SLIT1: variants seen among roughly 807,000 people sequenced by gnomAD.
The protein encoded by SLIT1 is slit guidance ligand 1.
Under a neutral mutation model 186.1 loss-of-function variants are expected in SLIT1, and 66 were observed. That is an observed-to-expected ratio of 0.35 (90% CI 0.29 to 0.44). The LOEUF (loss-of-function observed/expected upper bound fraction) is 0.44, where lower values mean the gene tolerates loss of function less well. Ranked by LOEUF, SLIT1 falls within the 20% of genes least tolerant of loss-of-function variation. SLIT1 has a pLI of 1.00. For missense variants in SLIT1, 1,638 were observed against 2,037.4 expected, an observed-to-expected ratio of 0.80 and a Z score of 3.77; for synonymous variants, 761 against 833.8, an observed-to-expected ratio of 0.91 and a Z score of 1.50.
chr10:97,111,722 T>C (rs1055020015), intron 4 of SLIT1, among the ~76,000 whole-genome samples: 2 of 152,238 alleles, frequency 1.3e-5, no homozygotes, highest in Admixed American at 1.3e-4. Flanking sequence ...CTTTTGCTGC[T>C]GGAGCCTGCT....
At position 97,049,000 on chromosome 10, in the gene SLIT1, T is replaced by A. The variant is rs748204837; in HGVS notation, c.1420A>T (p.Asn474Tyr). 3 of 1,612,422 alleles carry A rather than the reference T, an allele frequency of 1.9e-6. No individual in the cohort carries two copies. The highest frequency in any genetic ancestry group is 2.5e-6 in the Non-Finnish European group (3 of 1,180,014). The stretch of plus-strand genomic sequence containing the variant: ...CTCTTGATCTGCCCGATGCGCTTGT[T>A]GGCGAGGCGCCGGGGACTGGCACAG... ...ARCASPRRLA[N>Y]KRIGQIKSKK... The change falls in exon 14 of 37, where the codon AAC (asparagine) becomes TAC (tyrosine). Residue 474 changes from asparagine to tyrosine, a missense_variant. Physicochemically the swap from Asn to Tyr is moderately radical, Grantham distance 143. Coordinates refer to ENST00000266058, the MANE Select transcript of SLIT1 (RefSeq NM_003061.3).
intron 4 of SLIT1, among the ~76,000 whole-genome samples, chr10:97,131,638 C>A (rs1323639775): frequency 2.0e-5 from 3 of 152,232 alleles, no homozygotes; most frequent in Non-Finnish European, 2.9e-5. Context: ...AGGCAGAGGA[C>A]CGGAGCCCAG....
intron 4 of SLIT1, among the ~76,000 whole-genome samples, chr10:97,097,495 A>G (rs913225847): frequency 4.6e-5 from 7 of 152,226 alleles, no homozygotes; most frequent in Admixed American, 2.0e-4. Flanking sequence ...AGAGGTGAGA[A>G]CGATGCTTCT....
In SLIT1 at chr10:97,030,626, G is replaced by C. The variant is rs892236312; in HGVS notation, c.2582+131C>G. On this transcript the variant is annotated intron_variant, in intron 25 of 36. Transcript: ENST00000266058. The stretch of plus-strand genomic sequence containing the variant: ...CATATAAGAGTCCCAGAAGGTGCAC[G>C]TGGGAAGTTCCCAAGCTTAATTTCA... 1.1e-5 allele frequency: 8 copies of C among 725,194 alleles called. No homozygotes were observed. The East Asian group carries it at 2.1e-4, about 19-fold the overall frequency. The allele number at this position is 725,194 out of a possible 1,614,324, so 44.9% of individuals were successfully genotyped here. A position where few individuals can be genotyped will look rare whatever the true frequency, so the allele number is the denominator to read the frequency against.
chr10:97,109,901 G>A (rs904938882), intron 4 of SLIT1, among the ~76,000 whole-genome samples: 2 of 152,082 alleles, frequency 1.3e-5, no homozygotes, highest in African/African-American at 4.8e-5. Context: ...CCATTAAATG[G>A]GCCAGAAATT....
intron 4 of SLIT1, among the ~76,000 whole-genome samples, chr10:97,115,372 C>T (rs2636785): frequency 0.81 from 122,503 of 152,092 alleles, 49,507 homozygotes; most frequent in South Asian, 0.87. Context: ...GCCCACTCAT[C>T]CCCATGGCCC....
intron 5 of SLIT1, among the ~76,000 whole-genome samples, chr10:97,065,268 A>G (rs74593197): frequency 0.015 from 2,220 of 152,222 alleles, 26 homozygotes; most frequent in Non-Finnish European, 0.023. Flanking sequence ...CCTGAGTGCC[A>G]AAGAGGTTGA....
intron 4 of SLIT1, among the ~76,000 whole-genome samples, chr10:97,074,802 C>T (rs1849031130): frequency 6.6e-6 from 1 of 152,240 alleles, no homozygotes; most frequent in African/African-American, 2.4e-5. Context: ...TCTGGCTGCC[C>T]CTCCTTCTGC....
At chr10:97,106,316 CATGA>C (rs1175719478) in intron 4 of SLIT1, among the ~76,000 whole-genome samples, 1 of 152,072 alleles carries the variant, frequency 6.6e-6, no homozygotes, top group Non-Finnish European at 1.5e-5. Flanking sequence ...CATCTTGGGA[CATGA>C]ATGAAGAACG....
chr10:97,066,203 T>A (rs1304178547), intron 4 of SLIT1, 117 bp from the exon 5 acceptor site: 11 of 762,490 alleles, frequency 1.4e-5, no homozygotes, highest in Non-Finnish European at 1.6e-5. Flanking sequence ...AACCAGCCAC[T>A]GCTGCACCCC....
intron 6 of SLIT1, 109 bp from the exon 7 acceptor site, chr10:97,064,348 A>C: frequency 1.2e-6 from 1 of 849,650 alleles, no homozygotes. Flanking sequence ...AGTGACCAGC[A>C]CGGGGCTGGA....
intron 1 of SLIT1, among the ~76,000 whole-genome samples, chr10:97,165,510 A>C (rs1172315058): frequency 1.3e-5 from 2 of 152,084 alleles, no homozygotes; most frequent in Non-Finnish European, 2.9e-5. Flanking sequence ...CACGACGGGG[A>C]GGGAGCAGAC....
intron 4 of SLIT1, among the ~76,000 whole-genome samples, chr10:97,111,868 T>C (rs1184431398): frequency 3.9e-5 from 6 of 152,074 alleles, no homozygotes; most frequent in African/African-American, 1.2e-4. Flanking sequence ...GACTCGGGTG[T>C]CCAGGGACCA....
chr10:97,036,165 T>C (rs545310753), intron 22 of SLIT1, among the ~76,000 whole-genome samples: 2 of 152,352 alleles, frequency 1.3e-5, no homozygotes, highest in South Asian at 2.1e-4. Context: ...CATCTTCTCC[T>C]CCTGAACGTT....
intron 4 of SLIT1, among the ~76,000 whole-genome samples, chr10:97,138,743 T>C (rs896977014): frequency 6.6e-6 from 1 of 152,110 alleles, no homozygotes; most frequent in African/African-American, 2.4e-5. Flanking sequence ...CAGAGGAAGA[T>C]GAGGAAGGCG....
At chr10:97,139,364 G>A (rs984061612) in intron 4 of SLIT1, among the ~76,000 whole-genome samples, 8 of 152,194 alleles carry the variant, frequency 5.3e-5, no homozygotes, top group South Asian at 2.1e-4. Context: ...CCCCTCAAAC[G>A]GAGCATCCCC....
chr10:97,086,457 A>T (rs61864222), intron 4 of SLIT1, among the ~76,000 whole-genome samples: 20,883 of 151,798 alleles, frequency 0.14, 1,746 homozygotes, highest in Middle Eastern at 0.21. Flanking sequence ...GCATGCCTGT[A>T]GTCCCAGCTA....
At chr10:97,027,933 T>A (rs1156574346) in intron 25 of SLIT1, among the ~76,000 whole-genome samples, 1 of 151,790 alleles carries the variant, frequency 6.6e-6, no homozygotes, top group Non-Finnish European at 1.5e-5. Flanking sequence ...AATGCAAAGG[T>A]GTAAAATGTA....
chr10:97,163,373 G>A lies in SLIT1; in HGVS notation c.341+7C>T, dbSNP rs780748221. 1.5e-5 allele frequency: 25 copies of A among 1,613,208 alleles called. No individual in the cohort carries two copies. Among genetic ancestry groups the A allele is most frequent in the Non-Finnish European group, 2.0e-5 (24 of 1,179,328 alleles). ...GCCCTCCTGGCCTGCACCCTGCCAG[G>A]ACTCACAGCCGCTCCAGCTCCTTCA... On this transcript the variant is annotated splice_region_variant and intron_variant, in intron 3 of 36. Coordinates refer to ENST00000266058, the MANE Select transcript of SLIT1 (RefSeq NM_003061.3).
Sources: gnomAD v4.1 joint callset for allele counts (sites outside exome capture counted in the v4.1 genomes callset) on GRCh38, gnomAD v4.1.1 for gene constraint, MANE v1.5 for transcripts, NCBI Gene and HGNC (gene_info 2026-07-23, HGNC 2026-07-21) for gene names.